Variants in ORC4 observed in about 807,000 individuals in gnomAD.
ORC4 encodes origin recognition complex subunit 4.
In ORC4, 55 loss-of-function variants were observed where a neutral mutation model predicts 63.9. That is an observed-to-expected ratio of 0.86 (90% confidence interval 0.69 to 1.08). ORC4 has a LOEUF of 1.08. Among genes scored for constraint, ORC4 ranks in the 50% least tolerant of loss-of-function variants. The pLI is 0.00. For synonymous variants in ORC4, 150 were observed against 168.5 expected (o/e 0.89, Z 0.85); for missense variants, 511 against 504.4 (o/e 1.01, Z -0.13).
chr2:147,983,793 T>C (rs1476304583), intron 1 of ORC4, among the ~76,000 whole-genome samples: 2 of 152,126 alleles, frequency 1.3e-5, no homozygotes, highest in African/African-American at 4.8e-5. Flanking sequence ...ATGAAAGAGA[T>C]TGTAGACACG....
chr2:147,995,043 G>A (rs1293587030), intron 1 of ORC4, among the ~76,000 whole-genome samples: 3 of 152,080 alleles, frequency 2.0e-5, no homozygotes, highest in Non-Finnish European at 2.9e-5. Flanking sequence ...TCAGCGCTCT[G>A]TGGATTAAAG....
intron 4 of ORC4, among the ~76,000 whole-genome samples, chr2:147,972,360 T>C (rs1207736894): frequency 1.3e-5 from 2 of 152,124 alleles, no homozygotes; most frequent in African/African-American, 4.8e-5. Context: ...AGTGTTGATG[T>C]AAAGAATAAA....
chr2:147,944,659 A>C (rs1366343092), intron 9 of ORC4, among the ~76,000 whole-genome samples: 6 of 150,848 alleles, frequency 4.0e-5, no homozygotes, highest in South Asian at 2.1e-4. Context: ...GATTGTCATA[A>C]TTTTTCAAAA....
In ORC4 at chr2:147,955,402, A is replaced by G. The variant is rs1325133876; in HGVS notation, c.388-7T>C. 6 of 1,596,346 alleles carry G rather than the reference A, an allele frequency of 3.8e-6. No homozygotes were observed. The highest frequency in any genetic ancestry group is 4.5e-5 in the East Asian group (2 of 44,538). On this transcript the variant is annotated splice_polypyrimidine_tract_variant and splice_region_variant and intron_variant, in intron 6 of 13. Transcript: ENST00000392857. ...GGTTTTCAGCAAAGCTTCCCTGAACAACAAAATGAGATAAAATGATTAAAA... is the reference window on the plus strand; with the variant it reads ...GGTTTTCAGCAAAGCTTCCCTGAACGACAAAATGAGATAAAATGATTAAAA...
At chr2:148,018,714 A>C (rs989726392) in intron 1 of ORC4, among the ~76,000 whole-genome samples, 1 of 152,256 alleles carries the variant, frequency 6.6e-6, no homozygotes, top group Non-Finnish European at 1.5e-5. Flanking sequence ...ACAATTAAGA[A>C]ACAGGCAAAA....
chr2:147,933,839 T>C lies in ORC4; in HGVS notation c.*1671A>G, dbSNP rs1408531013. ...CGGCACAGATTGAGTATGCAAGCCT[T>C]AGCTTGAATGAGACTGCTGAGAAGT... On this transcript the variant is annotated 3_prime_UTR_variant, in exon 14 of 14. Coordinates refer to ENST00000392857, the MANE Select transcript of ORC4 (RefSeq NM_181741.4). The C allele has an allele frequency of 6.6e-6, 1 of 152,078 alleles. No individual in the cohort carries two copies. Among genetic ancestry groups the C allele is most frequent in the Non-Finnish European group, 1.5e-5 (1 of 68,000 alleles). 9.4% of individuals were successfully genotyped at this position (152,078 alleles called of 1,614,324 possible).
chr2:147,960,518 C>T (rs1463518418), intron 4 of ORC4: 1 of 197,538 alleles, frequency 5.1e-6, no homozygotes, highest in African/African-American at 2.4e-5. Context: ...ATTTGGTCAT[C>T]TCCTTTCCAC....
chr2:147,985,563 A>G (rs1691153829), intron 1 of ORC4, among the ~76,000 whole-genome samples: 1 of 152,242 alleles, frequency 6.6e-6, no homozygotes, highest in African/African-American at 2.4e-5. Flanking sequence ...TTATTCCTAC[A>G]TATAGCTCAA....
At chr2:147,966,614 T>C (rs1348605328) in intron 4 of ORC4, among the ~76,000 whole-genome samples, 1 of 152,138 alleles carries the variant, frequency 6.6e-6, no homozygotes, top group African/African-American at 2.4e-5. Context: ...AGGAAATGGT[T>C]AAGTTCCTGG....
chr2:148,012,092 A>T (rs1693004110), intron 1 of ORC4, among the ~76,000 whole-genome samples: 1 of 152,270 alleles, frequency 6.6e-6, no homozygotes, highest in East Asian at 1.9e-4. Context: ...ATAGAAAAAA[A>T]AAATCCTAAA....
chr2:147,993,740 G>A (rs1445319688), intron 1 of ORC4, among the ~76,000 whole-genome samples: 1 of 152,096 alleles, frequency 6.6e-6, no homozygotes, highest in East Asian at 1.9e-4. Flanking sequence ...AAAAAAGACA[G>A]CATTATATGG....
chr2:147,968,519 C>G (rs1466171419), intron 4 of ORC4, among the ~76,000 whole-genome samples: 1 of 151,866 alleles, frequency 6.6e-6, no homozygotes, highest in South Asian at 2.1e-4. Flanking sequence ...ATATAGCCAA[C>G]GAATACATGA....
In ORC4 at chr2:147,952,342, A is replaced by C. The variant is rs773290639; in HGVS notation, c.588+31T>G. On this transcript the variant is annotated intron_variant, in intron 8 of 13. Coordinates refer to ENST00000392857, the MANE Select transcript of ORC4 (RefSeq NM_181741.4). ...TAAGCTTGAATTTTAAAATATTATA[A>C]TCAATTTTTTTAATGAACAGAAAGA... is the stretch of plus-strand genomic sequence containing the variant. 5 of 1,467,822 alleles carry C rather than the reference A, an allele frequency of 3.4e-6. No homozygotes were observed. In the South Asian group the frequency reaches 6.0e-5, roughly 18 times the overall value. 90.9% of individuals were successfully genotyped at this position (1,467,822 alleles called of 1,614,324 possible).
At chr2:148,014,280 T>A (rs536340785) in intron 1 of ORC4, among the ~76,000 whole-genome samples, 1 of 152,116 alleles carries the variant, frequency 6.6e-6, no homozygotes, top group African/African-American at 2.4e-5. Context: ...ATGTTCAGAG[T>A]TTAAGGACAA....
intron 1 of ORC4, among the ~76,000 whole-genome samples, chr2:147,987,399 C>T (rs1212408655): frequency 6.8e-6 from 1 of 146,610 alleles, no homozygotes; most frequent in Non-Finnish European, 1.5e-5. Context: ...TATACACACA[C>T]ACACACACAC....
intron 13 of ORC4, among the ~76,000 whole-genome samples, chr2:147,937,601 A>G (rs1256089277): frequency 6.6e-6 from 1 of 152,184 alleles, no homozygotes; most frequent in East Asian, 1.9e-4. Context: ...TTAAATATAT[A>G]ATTAAAATTA....
intron 1 of ORC4, among the ~76,000 whole-genome samples, chr2:148,002,129 A>G (rs532670289): frequency 6.6e-6 from 1 of 152,290 alleles, no homozygotes; most frequent in South Asian, 2.1e-4. Flanking sequence ...AGAGACCTAC[A>G]AAGAGACTTA....
intron 1 of ORC4, among the ~76,000 whole-genome samples, chr2:148,002,310 A>G (rs1207081595): frequency 6.6e-6 from 1 of 152,192 alleles, no homozygotes; most frequent in Non-Finnish European, 1.5e-5. Flanking sequence ...CAGAATATAC[A>G]TTCTTCTCAG....
At chr2:147,948,746 C>A (rs1573765637) in intron 8 of ORC4, among the ~76,000 whole-genome samples, 1 of 150,660 alleles carries the variant, frequency 6.6e-6, no homozygotes, top group Non-Finnish European at 1.5e-5. Context: ...AATCAGGAAT[C>A]AAATTTACTG....
Sources: gnomAD v4.1 joint callset for allele counts (sites outside exome capture counted in the v4.1 genomes callset) on GRCh38, gnomAD v4.1.1 for gene constraint, MANE v1.5 for transcripts, NCBI Gene and HGNC (gene_info 2026-07-23, HGNC 2026-07-21) for gene names.